TPGS2: variants seen among roughly 807,000 people sequenced by gnomAD.
TPGS2 encodes polyglutamylase subunit 2.
A neutral mutation model predicts 31.1 loss-of-function variants in TPGS2; 26 were observed. The observed-to-expected ratio is 0.84, with a 90% CI of 0.61 to 1.16. TPGS2 has a LOEUF of 1.16. TPGS2 is among the 50% of genes most tolerant of loss of function. TPGS2 has a pLI of 0.00. For synonymous variants in TPGS2, 130 were observed against 136.6 expected (o/e 0.95, Z 0.34); for missense variants, 351 against 363.8 (o/e 0.96, Z 0.29).
intron 6 of TPGS2, chr18:36,798,047 ATCT>A: frequency 1.7e-6 from 1 of 584,696 alleles, no homozygotes; most frequent in Non-Finnish European, 2.2e-6. Context: ...TGCAATGAGT[ATCT>A]TGGGAAGGGC....
At chr18:36,801,921 T>G (rs1187146560) in intron 4 of TPGS2, among the ~76,000 whole-genome samples, 1 of 152,216 alleles carries the variant, frequency 6.6e-6, no homozygotes, top group Non-Finnish European at 1.5e-5. Context: ...CTGACCCCTC[T>G]TCTCAGACTC....
intron 1 of TPGS2, 78 bp from the exon 2 acceptor site, chr18:36,819,051 T>C: frequency 8.7e-7 from 1 of 1,150,006 alleles, no homozygotes; most frequent in Non-Finnish European, 1.3e-6. Context: ...TGACTAACTG[T>C]TGATGACTGC....
chr18:36,796,934 G>A lies in TPGS2; in HGVS notation c.774C>T (p.Ile258=), dbSNP rs140424791. The A allele has an allele frequency of 1.5e-4, 236 of 1,608,610 alleles. 4 individuals are homozygous for A. The East Asian group carries it at 2.0e-3, about 14-fold the overall frequency. Residue 258 remains isoleucine (I), a synonymous_variant, in exon 7 of 7, where the codon ATC becomes ATT. Coordinates refer to ENST00000334295, the MANE Select transcript of TPGS2 (RefSeq NM_015476.4). ...CAGGCCCTTTCTTTTTTGGGATTACGATCTTGTTCTTGCTCTTAAACACTT... is the reference window on the plus strand; with the variant it reads ...CAGGCCCTTTCTTTTTTGGGATTACAATCTTGTTCTTGCTCTTAAACACTT... ...PSKVFKSKNK[I]VIPKKKGPVQ... is the part of the protein sequence containing the mutation.
chr18:36,814,300 C>A (rs1179289886), intron 2 of TPGS2, among the ~76,000 whole-genome samples: 2 of 152,156 alleles, frequency 1.3e-5, no homozygotes, highest in East Asian at 3.8e-4. Context: ...ACCATCATGA[C>A]AAAAGGCAGG....
chr18:36,796,520 T>C lies in TPGS2; in HGVS notation c.*285A>G, dbSNP rs967387998. ...TCTCTAATCAATCAGTGCTAAGGGA[T>C]TGAGGGTTGAGTGTTGAAGAAGAGG... On this transcript the variant is annotated 3_prime_UTR_variant, in exon 7 of 7. Transcript: ENST00000334295. The C allele has an allele frequency of 1.6e-5, 19 of 1,216,276 alleles. No homozygotes were observed. The highest frequency in any genetic ancestry group is 1.9e-5 in the Non-Finnish European group (19 of 977,846). The allele number at this position is 1,216,276 out of a possible 1,614,324, so 75.3% of individuals were successfully genotyped here.
rs903856087 is a variant in TPGS2 at position 36,795,276 on chromosome 18, C to A, written c.*1529G>T. ...CCCCAGTGGGTTTGGAAGAGGGAAACCCTGGGTCGATTAGCAGGTAGACAG... is the reference window on the plus strand; with the variant it reads ...CCCCAGTGGGTTTGGAAGAGGGAAAACCTGGGTCGATTAGCAGGTAGACAG... On this transcript the variant is annotated 3_prime_UTR_variant, in exon 7 of 7. Transcript: ENST00000334295. The A allele has an allele frequency of 9.1e-6, 9 of 985,390 alleles. No homozygotes were observed. Among genetic ancestry groups the A allele is most frequent in the South Asian group, 4.7e-5 (1 of 21,280 alleles). The allele number at this position is 985,390 out of a possible 1,614,324, so 61.0% of individuals were successfully genotyped here. A position where few individuals can be genotyped will look rare whatever the true frequency, so the allele number is the denominator to read the frequency against.
At chr18:36,782,879 T>A (rs1269744753), downstream of TPGS2, 1 of 385,446 alleles carries the variant, frequency 2.6e-6, no homozygotes, top group Non-Finnish European at 4.6e-6. Context: ...ACATCGGAAG[T>A]GGTATAAAGG....
At position 36,796,306 on chromosome 18, in the gene TPGS2, A is replaced by ATATC. The variant is rs2044523008; in HGVS notation, c.*495_*498dup. The ATATC allele has an allele frequency of 1.0e-6, 1 of 981,216 alleles. No homozygotes were observed. Among genetic ancestry groups the ATATC allele is most frequent in the Non-Finnish European group, 1.2e-6 (1 of 826,052 alleles). The allele number at this position is 981,216 out of a possible 1,614,324, so 60.8% of individuals were successfully genotyped here. A position where few individuals can be genotyped will look rare whatever the true frequency, so the allele number is the denominator to read the frequency against. ...CTTTCTGTGGTGATGGAAATGTTCC[A>ATATC]TATCTTTGTGCTAATACAGAATCTA... is the stretch of plus-strand genomic sequence containing the variant. On this transcript the variant is annotated 3_prime_UTR_variant, in exon 7 of 7. Transcript: ENST00000334295.
intron 1 of TPGS2, among the ~76,000 whole-genome samples, chr18:36,819,746 A>G (rs2045814702): frequency 6.6e-6 from 1 of 152,014 alleles, no homozygotes; most frequent in Admixed American, 6.6e-5. Flanking sequence ...TTCTGTCCCC[A>G]CCCCCACAAA....
At chr18:36,816,773 T>G (rs772064181) in intron 2 of TPGS2, among the ~76,000 whole-genome samples, 36 of 152,308 alleles carry the variant, frequency 2.4e-4, no homozygotes, top group Admixed American at 5.2e-4. Flanking sequence ...CACGCCCGGC[T>G]AATTTTTGTA....
chr18:36,792,380 T>C (rs1408342245), downstream of TPGS2, among the ~76,000 whole-genome samples: 1 of 152,264 alleles, frequency 6.6e-6, no homozygotes, highest in African/African-American at 2.4e-5. Flanking sequence ...GGATTCATTA[T>C]GCTCTTCTAT....
intron 4 of TPGS2, among the ~76,000 whole-genome samples, chr18:36,804,735 C>T (rs1160313358): frequency 1.3e-5 from 2 of 152,178 alleles, no homozygotes; most frequent in African/African-American, 4.8e-5. Context: ...AAAGTATTTA[C>T]CTTCTCAGAC....
intron 2 of TPGS2, among the ~76,000 whole-genome samples, chr18:36,812,534 T>C (rs2045477020): frequency 6.6e-6 from 1 of 152,214 alleles, no homozygotes; most frequent in Non-Finnish European, 1.5e-5. Context: ...GCAGGGAAGT[T>C]CCACGCCCCT....
chr18:36,811,633 G>C (rs568031939), intron 2 of TPGS2, among the ~76,000 whole-genome samples: 2 of 152,240 alleles, frequency 1.3e-5, no homozygotes, highest in South Asian at 2.1e-4. Context: ...CAGCTGCTCT[G>C]CTTCAGAGAT....
At chr18:36,821,850 G>T (rs914291060) in intron 1 of TPGS2, among the ~76,000 whole-genome samples, 2 of 152,138 alleles carry the variant, frequency 1.3e-5, no homozygotes, top group Admixed American at 1.3e-4. Context: ...CCTGTTCCCC[G>T]CTGGCGTGCT....
chr18:36,828,600 G>C, intron 1 of TPGS2, 83 bp downstream of exon 1: 1 of 1,478,198 alleles, frequency 6.8e-7, no homozygotes, highest in Non-Finnish European at 9.4e-7. Context: ...GGCCAGCGTC[G>C]CACCGCTCAC....
chr18:36,786,842 T>C, intron 6 of TPGS2: 1 of 1,234,286 alleles, frequency 8.1e-7, no homozygotes, highest in Non-Finnish European at 1.0e-6. Flanking sequence ...CACCTAACAG[T>C]GAAAAATAGC....
chr18:36,808,901 T>A (rs1350370155), intron 2 of TPGS2, among the ~76,000 whole-genome samples: 2 of 152,168 alleles, frequency 1.3e-5, no homozygotes, highest in East Asian at 3.9e-4. Flanking sequence ...ATCCCTGGAA[T>A]GTGCAAAGGA....
intron 2 of TPGS2, among the ~76,000 whole-genome samples, chr18:36,811,247 C>T (rs575704265): frequency 1.3e-5 from 2 of 152,278 alleles, no homozygotes; most frequent in South Asian, 4.1e-4. Context: ...GGTGTGAGAT[C>T]CCCAAGAGAA....
Sources: allele counts gnomAD v4.1 joint callset (sites outside exome capture counted in the v4.1 genomes callset), GRCh38; gene constraint gnomAD v4.1.1; transcripts MANE v1.5; gene names NCBI Gene and HGNC (gene_info 2026-07-23, HGNC 2026-07-21).